Variants in CD47 observed in about 807,000 individuals in gnomAD.
CD47 encodes the protein CD47 molecule, also known as leukocyte surface antigen CD47.
In CD47, 11 loss-of-function variants were observed where a neutral mutation model predicts 44.6. That is an observed-to-expected ratio of 0.25 (90% CI 0.16 to 0.41). CD47 has a LOEUF of 0.41. Among genes scored for constraint, CD47 ranks in the 10% least tolerant of loss-of-function variants. CD47 has a pLI of 1.00. For missense variants in CD47, 306 were observed against 386.7 expected, an observed-to-expected ratio of 0.79 and a Z score of 1.75; for synonymous variants, 140 against 136.3, an observed-to-expected ratio of 1.03 and a Z score of -0.19.
At chr3:108,057,163 G>C (rs1187709310) in intron 7 of CD47, among the ~76,000 whole-genome samples, 1 of 152,044 alleles carries the variant, frequency 6.6e-6, no homozygotes, top group African/African-American at 2.4e-5. Context: ...AGTATAAAAA[G>C]GTACACATTC....
Position 108,066,134 on chromosome 3 carries a change from T to A in CD47, c.490+4959A>T, listed in dbSNP as rs1173560515. Among the ~76,000 whole-genome samples, 3 of 152,122 alleles carry A rather than the reference T, an allele frequency of 2.0e-5. No homozygotes were observed. In the East Asian group the frequency reaches 5.8e-4, roughly 29 times the overall value. The stretch of plus-strand genomic sequence containing the variant: ...TTGGTAGGATCTCAAGGTAGTGTAA[T>A]GAGAACTTTTTTCCTTGAATTTTCT... On this transcript the variant is annotated intron_variant, in intron 3 of 10. Coordinates refer to ENST00000361309, the MANE Select transcript of CD47 (RefSeq NM_001777.4).
At chr3:108,065,799 G>A (rs1373518040) in intron 3 of CD47, among the ~76,000 whole-genome samples, 66 of 109,084 alleles carry the variant, frequency 6.1e-4, no homozygotes, top group Admixed American at 3.5e-3. Context: ...GCAACAGAGC[G>A]AGACTCCGTC....
At chr3:108,078,343 A>C (rs967947724) in intron 2 of CD47, among the ~76,000 whole-genome samples, 22 of 152,120 alleles carry the variant, frequency 1.4e-4, no homozygotes, top group African/African-American at 4.8e-4. Flanking sequence ...CAAAATAATA[A>C]ACTGTTTTTA....
chr3:108,069,592 A>G (rs1354264074), intron 3 of CD47, among the ~76,000 whole-genome samples: 1 of 151,980 alleles, frequency 6.6e-6, no homozygotes, highest in Non-Finnish European at 1.5e-5. Flanking sequence ...TTAAGTCAGA[A>G]AAAATATTGT....
chr3:108,048,209 C>T (rs1576982533), intron 10 of CD47, among the ~76,000 whole-genome samples: 1 of 151,996 alleles, frequency 6.6e-6, no homozygotes, highest in South Asian at 2.1e-4. Flanking sequence ...TGTCTTTTAA[C>T]TTATTCCTGT....
intron 1 of CD47, among the ~76,000 whole-genome samples, chr3:108,085,186 G>A (rs2079495818): frequency 6.6e-6 from 1 of 151,962 alleles, no homozygotes; most frequent in Non-Finnish European, 1.5e-5. Flanking sequence ...TCATCCCCAT[G>A]CCTTAGCACA....
At chr3:108,081,418 T>C (rs1410829312) in intron 1 of CD47, among the ~76,000 whole-genome samples, 2 of 151,986 alleles carry the variant, frequency 1.3e-5, no homozygotes, top group Non-Finnish European at 2.9e-5. Context: ...ATCAACTTTG[T>C]TAATAGTTCA....
chr3:108,056,111 T>G (rs2078909096), intron 7 of CD47, among the ~76,000 whole-genome samples: 1 of 152,098 alleles, frequency 6.6e-6, no homozygotes, highest in Admixed American at 6.5e-5. Flanking sequence ...AAACCAGGAG[T>G]GTCATCTTCC....
chr3:108,082,233 C>A (rs1402887594), intron 1 of CD47, among the ~76,000 whole-genome samples: 1 of 151,954 alleles, frequency 6.6e-6, no homozygotes, highest in Non-Finnish European at 1.5e-5. Flanking sequence ...TCTATAGAAG[C>A]CTGTGCCTTT....
At chr3:108,062,819 C>CT (rs534047169) in intron 3 of CD47, among the ~76,000 whole-genome samples, 14,049 of 131,760 alleles carry the variant, frequency 0.11, 1,352 homozygotes, top group East Asian at 0.56. Context: ...TTTTTGAATT[C>CT]TTTTTTTTTT....
chr3:108,065,354 A>T (rs1406935330), intron 3 of CD47, among the ~76,000 whole-genome samples: 5 of 152,214 alleles, frequency 3.3e-5, no homozygotes, highest in African/African-American at 9.7e-5. Flanking sequence ...GGATTTGGAA[A>T]GGGTCAAGGG....
Position 108,071,148 on chromosome 3 carries a change from A to T in CD47, c.435T>A (p.Ile145=). 6.6e-7 allele frequency: 1 copy of T among 1,504,574 alleles called. No individual in the cohort carries two copies. The highest frequency in any genetic ancestry group is 9.1e-7 in the Non-Finnish European group (1 of 1,098,148). The allele number at this position is 1,504,574 out of a possible 1,614,324, so 93.2% of individuals were successfully genotyped here. The part of the protein sequence containing the change: ...SWFSPNENIL[I]VIFPIFAILL... ...GTATAGCAAAAATTGGGAAAATAAC[A>T]ATAAGAATATTTTCATTTGGAGAAA... is the stretch of plus-strand genomic sequence containing the variant. Residue 145 remains isoleucine, a synonymous_variant, in exon 3 of 11, where the codon ATT becomes ATA. Transcript: ENST00000361309.
intron 8 of CD47, among the ~76,000 whole-genome samples, chr3:108,051,240 G>A (rs2078821709): frequency 6.6e-6 from 1 of 152,140 alleles, no homozygotes; most frequent in Admixed American, 6.5e-5. Flanking sequence ...GTTATAGGAA[G>A]CTAAGTACAA....
chr3:108,067,337 CG>C (rs2079120789), intron 3 of CD47, among the ~76,000 whole-genome samples: 1 of 152,164 alleles, frequency 6.6e-6, no homozygotes, highest in African/African-American at 2.4e-5. Context: ...TATGGTCTTG[CG>C]GTTTTGTGCG....
At chr3:108,060,888 A>T (rs371679434) in intron 3 of CD47, 36 bp from the exon 4 acceptor site, 1 of 1,361,840 alleles carries the variant, frequency 7.3e-7, no homozygotes. Context: ...TATGAACTCA[A>T]TCACAAGTGA....
intron 2 of CD47, among the ~76,000 whole-genome samples, chr3:108,074,879 A>C (rs1292725759): frequency 6.6e-6 from 1 of 152,140 alleles, no homozygotes; most frequent in Non-Finnish European, 1.5e-5. Flanking sequence ...TAGATATTTA[A>C]GAACCAACTG....
chr3:108,046,054 A>G lies in CD47; in HGVS notation c.*1234T>C, dbSNP rs575553667. ...ACAAACAGGTAAAAAACGAATGCTA[A>G]AAGTCTAAAAGTACTCCAGGCGATC... On this transcript the variant is annotated 3_prime_UTR_variant, in exon 11 of 11. Coordinates refer to ENST00000361309, the MANE Select transcript of CD47 (RefSeq NM_001777.4). The G allele has an allele frequency of 1.3e-5, 2 of 152,400 alleles. No individual in the cohort carries two copies. The highest frequency in any genetic ancestry group is 4.1e-4 in the South Asian group (2 of 4,832). The allele number at this position is 152,400 out of a possible 1,614,324, so 9.4% of individuals were successfully genotyped here.
At chr3:108,059,927 T>C (rs753417302) in intron 4 of CD47, among the ~76,000 whole-genome samples, 8 of 152,216 alleles carry the variant, frequency 5.3e-5, no homozygotes, top group Non-Finnish European at 8.8e-5. Flanking sequence ...TAACTTCAGA[T>C]ACCAATAGAG....
At chr3:108,071,427 T>C (rs1359860041) in intron 2 of CD47, among the ~76,000 whole-genome samples, 4 of 152,236 alleles carry the variant, frequency 2.6e-5, no homozygotes, top group Admixed American at 2.6e-4. Context: ...ATTTTTCTTA[T>C]GTTTCACGGG....
Sources: gnomAD v4.1 joint callset for allele counts (sites outside exome capture counted in the v4.1 genomes callset) on GRCh38, gnomAD v4.1.1 for gene constraint, MANE v1.5 for transcripts, NCBI Gene and HGNC (gene_info 2026-07-23, HGNC 2026-07-21) for gene names.